Variants in HEXA observed in about 807,000 individuals in gnomAD.
HEXA encodes hexosaminidase subunit alpha.
HEXA carries 54 observed loss-of-function variants against 73.3 expected under a neutral mutation model. The ratio of observed to expected loss-of-function variants is 0.74; its 90% CI spans 0.59 to 0.92. HEXA has a LOEUF of 0.92. HEXA is among the 40% of genes least tolerant of loss of function. HEXA has a pLI of 0.00. For synonymous variants in HEXA, 230 were observed against 246.9 expected (o/e 0.93, Z 0.64); for missense variants, 649 against 653.0 (o/e 0.99, Z 0.07).
At chr15:72,355,445 G>C (rs1356818958) in intron 3 of HEXA, 114 bp downstream of exon 3, 6 of 788,728 alleles carry the variant, frequency 7.6e-6, no homozygotes, top group Non-Finnish European at 1.4e-5. Flanking sequence ...AAGATTGCTT[G>C]AGCCTAGGAG....
chr15:72,346,289 T>C lies in HEXA; in HGVS notation c.1367A>G (p.Glu456Gly), dbSNP rs1567295650. The C allele has an allele frequency of 6.2e-7, 1 of 1,613,920 alleles. No individual in the cohort carries two copies. Among genetic ancestry groups the C allele is most frequent in the Non-Finnish European group, 8.5e-7 (1 of 1,179,932 alleles). ...CACATATTCTCCCCACATACAAGCC[T>C]CTCCACCAATCACCAGAGCCTTCTG... ...PEQKALVIGG[E>G]ACMWGEYVDN... The change falls in exon 12 of 14, where the codon GAG (glutamate) becomes GGG (glycine). Residue 456 changes from glutamate to glycine, a missense_variant. Glu to Gly is a moderately conservative substitution (Grantham distance 98). Coordinates refer to ENST00000268097, the MANE Select transcript of HEXA (RefSeq NM_000520.6).
intron 1 of HEXA, among the ~76,000 whole-genome samples, chr15:72,366,950 T>A (rs2140337028): frequency 6.6e-6 from 1 of 152,026 alleles, no homozygotes; most frequent in Admixed American, 6.5e-5. Flanking sequence ...TTTTTTTTTG[T>A]TTTGTTTTTT....
chr15:72,342,382 C>A lies in HEXA; in HGVS notation c.*1695G>T, dbSNP rs1376722681. On this transcript the variant is annotated 3_prime_UTR_variant, in exon 14 of 14. Coordinates refer to ENST00000268097, the MANE Select transcript of HEXA (RefSeq NM_000520.6). The stretch of plus-strand genomic sequence containing the variant: ...CGAGTTTTACTCAGATCCTTCTCAG[C>A]CCTGCCTTCCTGAAGTTTCTGTATC... 1.3e-5 allele frequency: 2 copies of A among 152,148 alleles called. No individual in the cohort carries two copies. Among genetic ancestry groups the A allele is most frequent in the East Asian group, 3.9e-4 (2 of 5,192 alleles). The allele number at this position is 152,148 out of a possible 1,614,324, so 9.4% of individuals were successfully genotyped here. A position where few individuals can be genotyped will look rare whatever the true frequency, so the allele number is the denominator to read the frequency against.
intron 1 of HEXA, among the ~76,000 whole-genome samples, chr15:72,360,682 G>A (rs1260650543): frequency 6.6e-6 from 1 of 152,168 alleles, no homozygotes; most frequent in East Asian, 1.9e-4. Context: ...ACTCCCTAGA[G>A]GAAATGTAGC....
At chr15:72,373,307 T>C (rs1451868672) in intron 1 of HEXA, among the ~76,000 whole-genome samples, 3 of 152,256 alleles carry the variant, frequency 2.0e-5, no homozygotes, top group African/African-American at 4.8e-5. Flanking sequence ...TTGGTATTGC[T>C]CTACCTCTAT....
chr15:72,355,179 A>T, intron 3 of HEXA: 1 of 341,896 alleles, frequency 2.9e-6, no homozygotes, highest in South Asian at 2.4e-5. Flanking sequence ...AAACCTGTCA[A>T]CTTCCAGGGA....
At chr15:72,357,262 G>A (rs768004663) in intron 1 of HEXA, 2 of 164,776 alleles carry the variant, frequency 1.2e-5, no homozygotes, top group Non-Finnish European at 2.7e-5. Flanking sequence ...GCAGATGACA[G>A]AAGGATCAGG....
chr15:72,353,916 T>C (rs1336428785), intron 3 of HEXA, 179 bp from the exon 4 acceptor site: 18 of 657,250 alleles, frequency 2.7e-5, no homozygotes. Flanking sequence ...CCACTATCCA[T>C]CTTTACTTCT....
chr15:72,370,461 CAA>C (rs1046388360), intron 1 of HEXA: 6 of 393,890 alleles, frequency 1.5e-5, no homozygotes, highest in African/African-American at 1.0e-4. Context: ...GAGGCCGAGA[CAA>C]GAGGATCGCT....
chr15:72,347,476 C>A (rs945610754), intron 10 of HEXA, among the ~76,000 whole-genome samples: 3 of 151,636 alleles, frequency 2.0e-5, no homozygotes, highest in Non-Finnish European at 4.4e-5. Flanking sequence ...CAAGCAATCC[C>A]CCTGCCTTGG....
At chr15:72,362,362 G>A (rs2088862422) in intron 1 of HEXA, 3 of 434,914 alleles carry the variant, frequency 6.9e-6, no homozygotes, top group East Asian at 1.5e-4. Flanking sequence ...CTGTTTATTT[G>A]TCTATCTCCT....
At position 72,375,941 on chromosome 15, in the gene HEXA, A is replaced by G. The variant is rs141120074; in HGVS notation, c.32T>C (p.Leu11Pro). Residue 11 changes from leucine to proline, a missense_variant, in exon 1 of 14, where the codon CTG becomes CCG. By Grantham distance (98) the Leu-to-Pro change is moderately conservative (BLOSUM62 -3). Transcript: ENST00000268097. MTSSRLWFSL[L>P]LAAAFAGRAT... Reference sequence around the variant, plus strand: ...CCGTCCTGCGAACGCTGCCGCCAGCAGCAGCGAAAACCAAAGCCTGGAGCT... The same window carrying G: ...CCGTCCTGCGAACGCTGCCGCCAGCGGCAGCGAAAACCAAAGCCTGGAGCT... 1.9e-6 allele frequency: 3 copies of G among 1,614,114 alleles called. No individual in the cohort carries two copies. Among genetic ancestry groups the G allele is most frequent in the Admixed American group, 3.3e-5 (2 of 60,034 alleles).
intron 1 of HEXA, among the ~76,000 whole-genome samples, chr15:72,363,711 C>T (rs1187931600): frequency 6.6e-6 from 1 of 152,126 alleles, no homozygotes; most frequent in African/African-American, 2.4e-5. Context: ...CCTGAATGTT[C>T]TTCCTTCCTC....
chr15:72,349,887 C>CTG (rs2088672898), intron 7 of HEXA, among the ~76,000 whole-genome samples: 1 of 152,158 alleles, frequency 6.6e-6, no homozygotes, highest in African/African-American at 2.4e-5. Flanking sequence ...CCTCAGCCTC[C>CTG]CGAGTAGCTG....
At position 72,359,747 on chromosome 15, in the gene HEXA, AT is replaced by A. The variant is rs1210815633; in HGVS notation, c.254-3131del. The A allele has an allele frequency of 4.6e-5, 7 of 151,766 alleles. No homozygotes were observed. In the South Asian group the frequency reaches 6.2e-4, roughly 14 times the overall value. 9.4% of individuals were successfully genotyped at this position (151,766 alleles called of 1,614,324 possible). A position where few individuals can be genotyped will look rare whatever the true frequency, so the allele number is the denominator to read the frequency against. On this transcript the variant is annotated intron_variant, in intron 1 of 13. Transcript: ENST00000268097. ...GTAGTACATACTGGTTAAAAAAAAA[AT>A]CAAACAGTACTACCAAACAGTAGAA...
At chr15:72,352,449 A>AC (rs1181668997) in intron 5 of HEXA, among the ~76,000 whole-genome samples, 1 of 146,472 alleles carries the variant, frequency 6.8e-6, no homozygotes, top group Non-Finnish European at 1.5e-5. Flanking sequence ...AAAAAATACA[A>AC]AAAAAAAAAA....
Position 72,365,343 on chromosome 15 carries a change from C to CTAGG in HEXA, c.254-8727_254-8726insCCTA, listed in dbSNP as rs1207388407. On this transcript the variant is annotated intron_variant, in intron 1 of 13. Coordinates refer to ENST00000268097, the MANE Select transcript of HEXA (RefSeq NM_000520.6). The stretch of plus-strand genomic sequence containing the variant: ...CTAGATCTCCTGACCTCATGATCCA[C>CTAGG]CCGCCTTGGCCTCCCAAAGTGCTGG... 5.3e-5 allele frequency among the ~76,000 whole-genome samples: 8 copies of CTAGG among 152,342 alleles called. No individual in the cohort carries two copies. In the East Asian group the frequency reaches 1.5e-3, roughly 29 times the overall value.
At chr15:72,349,034 T>G in intron 8 of HEXA, 45 bp downstream of exon 8, 3 of 1,533,598 alleles carry the variant, frequency 2.0e-6, no homozygotes, top group Non-Finnish European at 2.7e-6. Flanking sequence ...CTATTCTGAG[T>G]AAGCAACTGA....
Position 72,353,729 on chromosome 15 carries a change from T to C in HEXA, c.421A>G (p.Thr141Ala). 1.2e-6 allele frequency: 2 copies of C among 1,611,912 alleles called. No homozygotes were observed. The highest frequency in any genetic ancestry group is 1.7e-6 in the Non-Finnish European group (2 of 1,178,050). ...GATTTCCAAACAAGCTGGCTAAAAG[T>C]CTCCAGACCTAGGAAGATGTAGAGA... ...TVWGALRGLE[T>A]FSQLVWKSAE... Residue 141 changes from threonine to alanine, a missense_variant, in exon 4 of 14, where the codon ACT becomes GCT. Coordinates refer to ENST00000268097, the MANE Select transcript of HEXA (RefSeq NM_000520.6).
Sources: gnomAD v4.1 joint callset for allele counts (sites outside exome capture counted in the v4.1 genomes callset) on GRCh38, gnomAD v4.1.1 for gene constraint, MANE v1.5 for transcripts, NCBI Gene and HGNC (gene_info 2026-07-23, HGNC 2026-07-21) for gene names.